Variants in MLLT3 observed in about 807,000 individuals in gnomAD.
MLLT3 encodes the protein protein AF-9.
Under a neutral mutation model 53.2 loss-of-function variants are expected in MLLT3, and 4 were observed. The ratio of observed to expected loss-of-function variants is 0.08; its 90% CI spans 0.04 to 0.17. MLLT3 has a LOEUF of 0.17. MLLT3 is among the 10% of genes least tolerant of loss of function. The pLI, the probability that MLLT3 is intolerant of heterozygous loss-of-function variation, is 1.00. For synonymous variants in MLLT3, 283 were observed against 230.6 expected (o/e 1.23, Z -2.06); for missense variants, 569 against 684.0 (o/e 0.83, Z 1.87).
chr9:20,363,382 T>C, intron 7 of MLLT3, 94 bp downstream of exon 7: 3 of 1,473,816 alleles, frequency 2.0e-6, no homozygotes, highest in East Asian at 2.3e-5. Flanking sequence ...CTGCCGTTTT[T>C]GGTGTTTCAC....
chr9:20,409,277 T>C (rs1244897176), intron 5 of MLLT3, among the ~76,000 whole-genome samples: 1 of 152,120 alleles, frequency 6.6e-6, no homozygotes, highest in Non-Finnish European at 1.5e-5. Flanking sequence ...TCATTTACTG[T>C]TTTTTTCCTC....
At chr9:20,595,470 A>T (rs1820238903) in intron 2 of MLLT3, among the ~76,000 whole-genome samples, 1 of 152,136 alleles carries the variant, frequency 6.6e-6, no homozygotes, top group Non-Finnish European at 1.5e-5. Context: ...TCACTAAGTT[A>T]TCCATAAAAT....
At chr9:20,462,896 C>G (rs1824147009) in intron 2 of MLLT3, among the ~76,000 whole-genome samples, 1 of 151,936 alleles carries the variant, frequency 6.6e-6, no homozygotes, top group Non-Finnish European at 1.5e-5. Context: ...AAGGCCTGGG[C>G]AGCAAGCAGA....
intron 2 of MLLT3, among the ~76,000 whole-genome samples, chr9:20,537,580 A>G (rs1818520200): frequency 6.6e-6 from 1 of 152,204 alleles, no homozygotes. Flanking sequence ...GCCAATTCAC[A>G]TGTATACATC....
chr9:20,433,338 T>TTC (rs1423883756), intron 4 of MLLT3, among the ~76,000 whole-genome samples: 1 of 152,190 alleles, frequency 6.6e-6, no homozygotes. Context: ...ATAATGATAG[T>TTC]AATAGGTTAT....
intron 2 of MLLT3, among the ~76,000 whole-genome samples, chr9:20,534,223 A>G (rs998748984): frequency 6.6e-6 from 1 of 152,232 alleles, no homozygotes; most frequent in African/African-American, 2.4e-5. Context: ...GTCTTCGGAA[A>G]GTTGCTACCG....
intron 2 of MLLT3, among the ~76,000 whole-genome samples, chr9:20,617,719 T>C (rs1027370548): frequency 2.0e-5 from 3 of 152,160 alleles, no homozygotes; most frequent in East Asian, 1.9e-4. Flanking sequence ...TCATGGCTAA[T>C]AGACATTCCA....
At chr9:20,595,378 A>AAT (rs1337400663) in intron 2 of MLLT3, among the ~76,000 whole-genome samples, 1 of 152,112 alleles carries the variant, frequency 6.6e-6, no homozygotes, top group Non-Finnish European at 1.5e-5. Flanking sequence ...CTCAAAAAAC[A>AAT]ATAAAATAAA....
intron 4 of MLLT3, among the ~76,000 whole-genome samples, chr9:20,415,031 G>C (rs78362968): frequency 0.014 from 2,071 of 152,092 alleles, 41 homozygotes; most frequent in African/African-American, 0.047. Flanking sequence ...TTGAGAAGGA[G>C]GCAGAAAAAT....
In MLLT3 at chr9:20,351,979, G is replaced by A. The variant is rs966328933; in HGVS notation, c.1575+1546C>T. On this transcript the variant is annotated intron_variant, in intron 10 of 10. Coordinates refer to ENST00000380338, the MANE Select transcript of MLLT3 (RefSeq NM_004529.4). ...TTAGGGTGAAATGCTGTGTGCCCTG[G>A]AGTGCCTTTATGCCAGGTTAAAAAT... Among the ~76,000 whole-genome samples, 5 of 152,202 alleles carry A rather than the reference G, an allele frequency of 3.3e-5. No individual in the cohort carries two copies. The South Asian group carries it at 1.0e-3, about 32-fold the overall frequency.
intron 5 of MLLT3, among the ~76,000 whole-genome samples, chr9:20,387,419 T>C (rs996945371): frequency 2.0e-5 from 3 of 152,258 alleles, no homozygotes; most frequent in Non-Finnish European, 2.9e-5. Context: ...TAGTTTATCC[T>C]ATTACTGGTC....
intron 4 of MLLT3, among the ~76,000 whole-genome samples, chr9:20,414,800 C>A (rs1045536387): frequency 6.6e-5 from 10 of 152,014 alleles, no homozygotes; most frequent in African/African-American, 2.2e-4. Context: ...TGTTGACAAC[C>A]AAAAGACGGG....
At chr9:20,524,716 T>C (rs1373677120) in intron 2 of MLLT3, among the ~76,000 whole-genome samples, 1 of 152,114 alleles carries the variant, frequency 6.6e-6, no homozygotes, top group Non-Finnish European at 1.5e-5. Context: ...TGATTATCAC[T>C]CATACCTGTT....
chr9:20,489,615 T>C (rs186603883), intron 2 of MLLT3, among the ~76,000 whole-genome samples: 53 of 152,296 alleles, frequency 3.5e-4, no homozygotes, highest in African/African-American at 1.3e-3. Flanking sequence ...GCCATCACAA[T>C]AGCTGTACTT....
intron 2 of MLLT3, among the ~76,000 whole-genome samples, chr9:20,546,511 T>G (rs1165759897): frequency 1.3e-5 from 2 of 150,448 alleles, no homozygotes; most frequent in Non-Finnish European, 2.9e-5. Flanking sequence ...ACCACTGCAC[T>G]CTGGTATGGG....
chr9:20,349,435 T>C (rs1034209890), intron 10 of MLLT3, among the ~76,000 whole-genome samples: 2 of 152,166 alleles, frequency 1.3e-5, no homozygotes, highest in East Asian at 1.9e-4. Flanking sequence ...CTGATGCTTT[T>C]TCCTCTCGCC....
Position 20,560,574 on chromosome 9 carries a change from G to C in MLLT3, c.193+60080C>G, listed in dbSNP as rs141468233. Among the ~76,000 whole-genome samples the C allele has an allele frequency of 2.8e-4, 42 of 152,214 alleles. No homozygotes were observed. The East Asian group carries it at 5.2e-3, about 19-fold the overall frequency. ...GAATTTTTACAAACGTGATGTTGAT[G>C]CACAAAAGAAGTAGATATAGGGTGT... On this transcript the variant is annotated intron_variant, in intron 2 of 10. Transcript: ENST00000380338.
rs80011209 is a variant in MLLT3, at chr9:20,510,261, C to T, written c.194-53475G>A. Among the ~76,000 whole-genome samples the T allele has an allele frequency of 0.011, 1,719 of 152,146 alleles. 70 individuals are homozygous for T. In the East Asian group the frequency reaches 0.16, roughly 14 times the overall value. On this transcript the variant is annotated intron_variant, in intron 2 of 10. Transcript: ENST00000380338. ...AATGAATAGGAGAAATGTGAATAAACTTAAAATATGCGAAAAGGTACTCAA... is the reference window on the plus strand; with the variant it reads ...AATGAATAGGAGAAATGTGAATAAATTTAAAATATGCGAAAAGGTACTCAA...
At chr9:20,571,828 T>A (rs950918750) in intron 2 of MLLT3, among the ~76,000 whole-genome samples, 24 of 152,338 alleles carry the variant, frequency 1.6e-4, no homozygotes, top group East Asian at 1.9e-4. Flanking sequence ...CAATAAGATA[T>A]CATTTCACTT....
Sources: gnomAD v4.1 joint callset for allele counts (sites outside exome capture counted in the v4.1 genomes callset) on GRCh38, gnomAD v4.1.1 for gene constraint, MANE v1.5 for transcripts, NCBI Gene and HGNC (gene_info 2026-07-23, HGNC 2026-07-21) for gene names.